TJP1: variants seen among roughly 807,000 people sequenced by gnomAD.
TJP1 encodes the protein tight junction protein ZO-1.
A neutral mutation model predicts 194.2 loss-of-function variants in TJP1; 43 were observed. The ratio of observed to expected loss-of-function variants is 0.22; its 90% CI spans 0.17 to 0.29. The LOEUF is 0.29. Among genes scored for constraint, TJP1 ranks in the 10% least tolerant of loss-of-function variants. The pLI, the probability that TJP1 is intolerant of heterozygous loss-of-function variation, is 1.00. For missense variants in TJP1, 1,971 were observed against 2,185.7 expected, an observed-to-expected ratio of 0.90 and a Z score of 1.96; for synonymous variants, 801 against 779.0, an observed-to-expected ratio of 1.03 and a Z score of -0.47.
At chr15:29,777,968 T>C (rs1218552028) in intron 2 of TJP1, among the ~76,000 whole-genome samples, 1 of 152,178 alleles carries the variant, frequency 6.6e-6, no homozygotes, top group African/African-American at 2.4e-5. Flanking sequence ...AATTTTACAG[T>C]ATGAACTTAC....
intron 2 of TJP1, among the ~76,000 whole-genome samples, chr15:29,861,829 A>C (rs2052092498): frequency 6.6e-6 from 1 of 152,124 alleles, no homozygotes; most frequent in Non-Finnish European, 1.5e-5. Flanking sequence ...TAAAGCACAA[A>C]AGTTTTAAAT....
intron 3 of TJP1, among the ~76,000 whole-genome samples, chr15:29,772,647 T>C (rs2046766294): frequency 6.6e-6 from 1 of 152,240 alleles, no homozygotes; most frequent in Non-Finnish European, 1.5e-5. Context: ...GGGAGGAGGC[T>C]TCTGAAGGCT....
At chr15:29,849,714 T>G (rs1377888255) in intron 2 of TJP1, among the ~76,000 whole-genome samples, 1 of 145,198 alleles carries the variant, frequency 6.9e-6, no homozygotes, top group African/African-American at 2.6e-5. Flanking sequence ...GCCACTGTAC[T>G]CCAGCCTGGG....
Position 29,714,741 on chromosome 15 carries a change from T to C in TJP1, c.4202+1870A>G, listed in dbSNP as rs550839822. Among the ~76,000 whole-genome samples, 827 of 132,964 alleles carry C rather than the reference T, an allele frequency of 6.2e-3. 1 individual carries two copies. The highest frequency in any genetic ancestry group is 0.017 in the Middle Eastern group (3 of 176). The allele number at this position is 132,964 out of a possible 152,430, so 87.2% of individuals were successfully genotyped here. A position where few individuals can be genotyped will look rare whatever the true frequency, so the allele number is the denominator to read the frequency against. ...TATTTTTAGTAGAGATGGGGTTTCA[T>C]CGTGTTAGCCAGGATGGTCTCGATC... is the stretch of plus-strand genomic sequence containing the variant. On this transcript the variant is annotated intron_variant, in intron 23 of 27. Coordinates refer to ENST00000614355, the MANE Select transcript of TJP1 (RefSeq NM_001330239.4).
At chr15:29,949,195 C>G (rs1483703524) in intron 2 of TJP1, among the ~76,000 whole-genome samples, 4 of 143,402 alleles carry the variant, frequency 2.8e-5, no homozygotes, top group Non-Finnish European at 4.5e-5. Context: ...CCTCCACCAC[C>G]AGCACCTCCA....
At position 29,718,187 on chromosome 15, in the gene TJP1, C is replaced by T. The variant is rs533137072; in HGVS notation, c.3877-69G>A. 3.2e-6 allele frequency: 5 copies of T among 1,554,866 alleles called. No individual in the cohort carries two copies. The Admixed American group carries it at 5.5e-5, about 17-fold the overall frequency. On this transcript the variant is annotated intron_variant, in intron 21 of 27. Transcript: ENST00000614355. ...AACAGATAATTAACAGAATAGATAT[C>T]ATGTAATGGCGGAGGGGAGAGCCAA...
In TJP1 at chr15:29,968,667, C is replaced by T. The variant is rs2056417769; in HGVS notation, c.173G>A (p.Trp58Ter). 9.1e-7 allele frequency: 1 copy of T among 1,101,392 alleles called. No individual in the cohort carries two copies. The highest frequency in any genetic ancestry group is 1.1e-6 in the Non-Finnish European group (1 of 887,224). 68.2% of individuals were successfully genotyped at this position (1,101,392 alleles called of 1,614,324 possible). A position where few individuals can be genotyped will look rare whatever the true frequency, so the allele number is the denominator to read the frequency against. Reference sequence around the variant, plus strand: ...CTCCGCGCCCGCGCGGCCGCCTCACCACAGCTTCCTCTTGAGCGGCAGGAG... The same window carrying T: ...CTCCGCGCCCGCGCGGCCGCCTCACTACAGCTTCCTCTTGAGCGGCAGGAG... The change falls in exon 1 of 29, where the codon TGG (tryptophan) becomes TAG (stop). Residue 58 changes from tryptophan (W) to a stop codon, truncating the protein, a stop_gained and splice_region_variant. Transcript: ENST00000356107. LOFTEE classifies it high-confidence loss of function.
chr15:29,751,857 T>C (rs985884053), intron 8 of TJP1, among the ~76,000 whole-genome samples: 1 of 152,242 alleles, frequency 6.6e-6, no homozygotes, highest in African/African-American at 2.4e-5. Context: ...TTTTTAAATA[T>C]TGTACTTGTA....
chr15:29,793,455 G>A (rs1266230006), intron 2 of TJP1, among the ~76,000 whole-genome samples: 1 of 152,100 alleles, frequency 6.6e-6, no homozygotes, highest in Non-Finnish European at 1.5e-5. Flanking sequence ...AAATACCTGA[G>A]ACTGGGCAAT....
In TJP1 at chr15:29,710,929, G is replaced by A. The variant is rs749719781; in HGVS notation, c.4274C>T (p.Thr1425Ile). 6.2e-7 allele frequency: 1 copy of A among 1,614,060 alleles called. No homozygotes were observed. The highest frequency in any genetic ancestry group is 8.5e-7 in the Non-Finnish European group (1 of 1,180,046). The change falls in exon 24 of 28, where the codon ACT becomes ATT. Residue 1425 changes from threonine to isoleucine, a missense_variant. Thr to Ile is a moderately conservative substitution (Grantham distance 89). Transcript: ENST00000614355. ...CGAGGGCAATGGAGGAGGAGGGGGAGTGGCCTGGATGGGTTCATAGCGTTT... is the reference window on the plus strand; with the variant it reads ...CGAGGGCAATGGAGGAGGAGGGGGAATGGCCTGGATGGGTTCATAGCGTTT... Reference protein sequence around the residue: ...GEKRYEPIQATPPPPPLPSQY... With the variant: ...GEKRYEPIQAIPPPPPLPSQY...
intron 1 of TJP1, among the ~76,000 whole-genome samples, chr15:29,967,499 G>A (rs1280320300): frequency 6.6e-6 from 1 of 152,080 alleles, no homozygotes; most frequent in Non-Finnish European, 1.5e-5. Flanking sequence ...TCCCCATGAG[G>A]GAGATAACAA....
chr15:29,965,982 C>G (rs1428306841), intron 1 of TJP1, among the ~76,000 whole-genome samples: 2 of 152,134 alleles, frequency 1.3e-5, no homozygotes, highest in African/African-American at 4.8e-5. Context: ...GGTTTTTATC[C>G]CTGGCCCTAA....
At chr15:29,845,558 C>T (rs2051374416) in intron 2 of TJP1, among the ~76,000 whole-genome samples, 1 of 152,118 alleles carries the variant, frequency 6.6e-6, no homozygotes. Flanking sequence ...GTAATCCCAG[C>T]ACTTTGGGAG....
chr15:29,813,219 A>G (rs2049653957), intron 1 of TJP1, among the ~76,000 whole-genome samples: 1 of 152,160 alleles, frequency 6.6e-6, no homozygotes, highest in Non-Finnish European at 1.5e-5. Context: ...TATGACAAAC[A>G]TCTTAGTCAT....
intron 2 of TJP1, among the ~76,000 whole-genome samples, chr15:29,895,351 T>C (rs1451994717): frequency 6.6e-6 from 1 of 152,240 alleles, no homozygotes; most frequent in Non-Finnish European, 1.5e-5. Context: ...TTTGACACTT[T>C]GCTTAGAAAT....
At chr15:29,837,026 A>C (rs145690353) in intron 2 of TJP1, among the ~76,000 whole-genome samples, 1 of 152,236 alleles carries the variant, frequency 6.6e-6, no homozygotes, top group Non-Finnish European at 1.5e-5. Context: ...TGCTATAGCA[A>C]CACAAATGGA....
chr15:29,807,337 A>C (rs1284166570), intron 1 of TJP1, among the ~76,000 whole-genome samples: 2 of 152,246 alleles, frequency 1.3e-5, no homozygotes, highest in African/African-American at 4.8e-5. Context: ...TGTACATTAA[A>C]TATTGAGAAA....
chr15:29,760,938 T>C (rs1253631500), intron 8 of TJP1, among the ~76,000 whole-genome samples: 2 of 152,320 alleles, frequency 1.3e-5, no homozygotes, highest in Middle Eastern at 3.4e-3. Flanking sequence ...GCCTGCATGA[T>C]TGAAATATGT....
chr15:29,939,398 C>A lies in TJP1; in HGVS notation c.306+16834G>T, dbSNP rs1419848483. On this transcript the variant is annotated intron_variant, in intron 2 of 28. Coordinates refer to the TJP1 transcript ENST00000356107. ...TGCAGTCTGTGACCCTCCATTTCCA[C>A]CTCCAGCTGCCTGGAGTCTCTCTGC... 2.2e-4 allele frequency among the ~76,000 whole-genome samples: 34 copies of A among 152,142 alleles called. 2 individuals carry two copies. Among genetic ancestry groups the A allele is most frequent in the Admixed American group, 2.2e-3 (34 of 15,276 alleles).
Sources: allele counts gnomAD v4.1 joint callset (sites outside exome capture counted in the v4.1 genomes callset), GRCh38; gene constraint gnomAD v4.1.1; transcripts MANE v1.5; gene names NCBI Gene and HGNC (gene_info 2026-07-23, HGNC 2026-07-21).